Variants in CCDC47 observed in about 807,000 individuals in gnomAD.
CCDC47 encodes the protein coiled-coil domain containing 47.
In CCDC47, 41 loss-of-function variants were observed where a neutral mutation model predicts 60.5. The ratio of observed to expected loss-of-function variants is 0.68; its 90% CI spans 0.53 to 0.88. The LOEUF is 0.88. Ranked by LOEUF, CCDC47 falls within the 40% of genes least tolerant of loss-of-function variation. The pLI, the probability that CCDC47 is intolerant of heterozygous loss-of-function variation, is 0.00. For missense variants in CCDC47, 513 were observed against 580.9 expected (o/e 0.88, Z 1.20); for synonymous variants, 195 against 190.7 (o/e 1.02, Z -0.18).
rs145745083 is a variant in CCDC47 at position 63,767,754 on chromosome 17, T to G, written c.-19-1560A>C. On this transcript the variant is annotated intron_variant, in intron 1 of 12. Coordinates refer to ENST00000225726, the MANE Select transcript of CCDC47 (RefSeq NM_020198.3). ...AAAACAATATAAAGACCATTCTTAC[T>G]TCACAGGCCTCCCCTCAGGCTGACC... Among the ~76,000 whole-genome samples the G allele has an allele frequency of 5.0e-3, 766 of 152,298 alleles. 17 individuals are homozygous for G. Among genetic ancestry groups the G allele is most frequent in the African/African-American group, 0.018 (732 of 41,562 alleles).
At chr17:63,759,550 T>A (rs1172995657) in intron 6 of CCDC47, among the ~76,000 whole-genome samples, 1,049 of 28,594 alleles carry the variant, frequency 0.037, 314 homozygotes, top group African/African-American at 0.12. Context: ...TATATATATA[T>A]ATATATATAT....
chr17:63,771,045 G>GAAGGAAGGAAGAAAGAAAGAAAGAAAGA lies in CCDC47; in HGVS notation c.-20+2366_-20+2367insTCTTTCTTTCTTTCTTTCTTCCTTCCTT, dbSNP rs759971442. Among the ~76,000 whole-genome samples, 351 of 97,768 alleles carry GAAGGAAGGAAGAAAGAAAGAAAGAAAGA rather than the reference G, an allele frequency of 3.6e-3. 3 individuals carry two copies. Among genetic ancestry groups the GAAGGAAGGAAGAAAGAAAGAAAGAAAGA allele is most frequent in the African/African-American group, 0.014 (335 of 24,174 alleles). 64.1% of individuals were successfully genotyped at this position (97,768 alleles called of 152,430 possible). A position where few individuals can be genotyped will look rare whatever the true frequency, so the allele number is the denominator to read the frequency against. ...GGAAGGAAGGAAGGAAGGAAGGAAG[G>GAAGGAAGGAAGAAAGAAAGAAAGAAAGA]AAGAAAGAAAGAAAGAAATTAAATG... On this transcript the variant is annotated intron_variant, in intron 1 of 12. Coordinates refer to ENST00000225726, the MANE Select transcript of CCDC47 (RefSeq NM_020198.3).
intron 8 of CCDC47, chr17:63,755,382 G>A: frequency 2.7e-6 from 2 of 739,356 alleles, no homozygotes; most frequent in Non-Finnish European, 3.3e-6. Context: ...CGCTTTGGGA[G>A]GCCAAGGTGG....
intron 6 of CCDC47, among the ~76,000 whole-genome samples, chr17:63,757,179 A>G (rs1238643208): frequency 6.8e-5 from 10 of 147,566 alleles, no homozygotes; most frequent in African/African-American, 2.5e-4. Flanking sequence ...TAGGCAACAT[A>G]ATGGGACCCC....
chr17:63,756,854 A>G (rs2039211365), intron 6 of CCDC47, among the ~76,000 whole-genome samples: 1 of 152,202 alleles, frequency 6.6e-6, no homozygotes, highest in Non-Finnish European at 1.5e-5. Flanking sequence ...CTTGAAGAAG[A>G]AAGTCAAAAT....
chr17:63,752,999 G>A, intron 9 of CCDC47, 200 bp from the exon 10 acceptor site: 1 of 834,052 alleles, frequency 1.2e-6, no homozygotes, highest in Non-Finnish European at 1.4e-6. Context: ...GCATTCTCAA[G>A]TGATCTTTAT....
At chr17:63,756,158 T>G in intron 8 of CCDC47, 82 bp downstream of exon 8, 2 of 881,508 alleles carry the variant, frequency 2.3e-6, no homozygotes, top group African/African-American at 1.6e-5. Context: ...CATAAAATGA[T>G]GAACTTGTAC....
intron 6 of CCDC47, among the ~76,000 whole-genome samples, chr17:63,759,311 A>T (rs1452639766): frequency 2.7e-5 from 4 of 150,258 alleles, no homozygotes. Flanking sequence ...CAACATGGTG[A>T]AACCCCGTCT....
At chr17:63,754,394 T>C (rs1039177529) in intron 9 of CCDC47, 39 bp downstream of exon 9, 1 of 1,229,076 alleles carries the variant, frequency 8.1e-7, no homozygotes, top group Non-Finnish European at 1.2e-6. Context: ...AGAAAGCTAG[T>C]GAGGAAAATT....
chr17:63,748,212 G>A (rs2039134920), intron 12 of CCDC47, among the ~76,000 whole-genome samples: 1 of 151,234 alleles, frequency 6.6e-6, no homozygotes, highest in East Asian at 2.0e-4. Context: ...CTGTTGCCTG[G>A]GATGACTCTC....
At chr17:63,757,184 G>C (rs957761398) in intron 6 of CCDC47, among the ~76,000 whole-genome samples, 3 of 139,788 alleles carry the variant, frequency 2.1e-5, no homozygotes, top group Admixed American at 7.4e-5. Flanking sequence ...AACATAATGG[G>C]ACCCCATCTG....
rs997442862 is a variant in CCDC47 at position 63,753,806 on chromosome 17, T to TA, written c.1034+626dup. ...AAACATCACACACAAATTATTATCA[T>TA]AAAAAAAAAGAACCTATGGACTGGG... On this transcript the variant is annotated intron_variant, in intron 9 of 12. Coordinates refer to ENST00000225726, the MANE Select transcript of CCDC47 (RefSeq NM_020198.3). The TA allele has an allele frequency of 5.1e-3, 887 of 172,300 alleles. 7 individuals are homozygous for TA. The highest frequency in any genetic ancestry group is 0.019 in the African/African-American group (773 of 41,556). The allele number at this position is 172,300 out of a possible 1,614,324, so 10.7% of individuals were successfully genotyped here.
intron 9 of CCDC47, chr17:63,753,689 A>G (rs2039183550): frequency 6.4e-6 from 6 of 936,768 alleles, no homozygotes; most frequent in Non-Finnish European, 7.6e-6. Context: ...CTTCTATGCT[A>G]GGAAAGGATA....
intron 12 of CCDC47, among the ~76,000 whole-genome samples, chr17:63,751,066 G>T (rs2039160264): frequency 6.7e-6 from 1 of 148,838 alleles, no homozygotes; most frequent in South Asian, 2.1e-4. Flanking sequence ...TACTAGTAGA[G>T]ACAAGGTCTC....
chr17:63,752,237 C>T (rs1205078195), intron 11 of CCDC47, 83 bp downstream of exon 11: 1 of 1,422,544 alleles, frequency 7.0e-7, no homozygotes, highest in African/African-American at 1.4e-5. Context: ...AATTCAGTCA[C>T]TGAAATCATT....
chr17:63,769,083 CAAA>C (rs531547773), intron 1 of CCDC47, among the ~76,000 whole-genome samples: 5 of 94,598 alleles, frequency 5.3e-5, no homozygotes, highest in Non-Finnish European at 6.6e-5. Flanking sequence ...GACTCTGTCT[CAAA>C]AAAAAAAAAA....
At position 63,772,751 on chromosome 17, in the gene CCDC47, G is replaced by T. The variant is rs2144505444; in HGVS notation, c.-20+661C>A. 1.3e-5 allele frequency: 2 copies of T among 152,208 alleles called. 1 individual carries two copies. The highest frequency in any genetic ancestry group is 4.2e-4 in the South Asian group (2 of 4,818). 9.4% of individuals were successfully genotyped at this position (152,208 alleles called of 1,614,324 possible). On this transcript the variant is annotated intron_variant, in intron 1 of 12. Transcript: ENST00000225726. ...ATGGAGATCCTTCAAGGTTATTTAG[G>T]TTACAATCATCCAAGCCATTTTTAC... is the stretch of plus-strand genomic sequence containing the variant.
At chr17:63,771,938 C>G (rs931395250) in intron 1 of CCDC47, among the ~76,000 whole-genome samples, 2 of 151,842 alleles carry the variant, frequency 1.3e-5, no homozygotes, top group African/African-American at 4.8e-5. Flanking sequence ...AAAAATTAGC[C>G]GGGCGTGGTG....
Position 63,758,343 on chromosome 17 carries a change from T to C in CCDC47, c.736-1773A>G, listed in dbSNP as rs561227704. 6.6e-5 allele frequency among the ~76,000 whole-genome samples: 10 copies of C among 152,214 alleles called. No individual in the cohort carries two copies. The South Asian group carries it at 2.1e-3, about 32-fold the overall frequency. On this transcript the variant is annotated intron_variant, in intron 6 of 12. Transcript: ENST00000225726. ...TCTTGTGGGGCTGAGCCCTTTAATC[T>C]GTAGGATTTGAAGCTAACTCCAGGT...
Sources: gnomAD v4.1 joint callset for allele counts (sites outside exome capture counted in the v4.1 genomes callset) on GRCh38, gnomAD v4.1.1 for gene constraint, MANE v1.5 for transcripts, NCBI Gene and HGNC (gene_info 2026-07-23, HGNC 2026-07-21) for gene names.